Variants in DLG5 observed in about 807,000 individuals in gnomAD.
DLG5 encodes disks large homolog 5.
In DLG5, 48 loss-of-function variants were observed where a neutral mutation model predicts 189.8. That is an observed-to-expected ratio of 0.25 (90% CI 0.20 to 0.32). DLG5 has a LOEUF of 0.32. DLG5 is among the 10% of genes least tolerant of loss of function. The pLI, the probability that DLG5 is intolerant of heterozygous loss-of-function variation, is 1.00. For missense variants in DLG5, 2,160 were observed against 2,544.7 expected, an observed-to-expected ratio of 0.85 and a Z score of 3.25; for synonymous variants, 1,016 against 1,054.1, an observed-to-expected ratio of 0.96 and a Z score of 0.70.
intron 27 of DLG5, among the ~76,000 whole-genome samples, chr10:77,804,106 G>C (rs2154575054): frequency 6.6e-6 from 1 of 152,192 alleles, no homozygotes; most frequent in Non-Finnish European, 1.5e-5. Context: ...TGGCCAGGCT[G>C]GTCTTGAACT....
At position 77,830,288 on chromosome 10, in the gene DLG5, A is replaced by G. The variant is rs777377943; in HGVS notation, c.1938T>C (p.Pro646=). The change falls in exon 11 of 32, where the codon CCT becomes CCC. Residue 646 remains proline, a synonymous_variant. Transcript: ENST00000372391. ...ATATGCCACAGTCCCCCGGGAAACA[A>G]GGCTCATTCACACCTTCTGCCATAT... ...GFDMAEGVNE[P]CFPGDCGIFV... 6.2e-7 allele frequency: 1 copy of G among 1,614,188 alleles called. No individual in the cohort carries two copies. Among genetic ancestry groups the G allele is most frequent in the Non-Finnish European group, 8.5e-7 (1 of 1,180,028 alleles).
At chr10:77,847,785 C>T (rs1843766212) in intron 5 of DLG5, among the ~76,000 whole-genome samples, 2 of 152,136 alleles carry the variant, frequency 1.3e-5, no homozygotes, top group South Asian at 4.1e-4. Context: ...CAGTTCACTG[C>T]AACCTCAACC....
chr10:77,811,287 A>G, intron 22 of DLG5, 53 bp from the exon 23 acceptor site: 1 of 1,574,126 alleles, frequency 6.4e-7, no homozygotes, highest in South Asian at 1.2e-5. Context: ...ACCCAGAGCC[A>G]CCCCCACTCC....
At chr10:77,861,884 A>G (rs1844485624) in intron 2 of DLG5, among the ~76,000 whole-genome samples, 1 of 152,192 alleles carries the variant, frequency 6.6e-6, no homozygotes, top group African/African-American at 2.4e-5. Context: ...AAGTAAGGTC[A>G]ACCAGACCCA....
intron 27 of DLG5, among the ~76,000 whole-genome samples, chr10:77,802,752 T>C (rs1217518767): frequency 6.6e-6 from 1 of 151,992 alleles, no homozygotes; most frequent in Non-Finnish European, 1.5e-5. Context: ...ATACAAAAAT[T>C]AGCCAGATGT....
At chr10:77,844,456 C>T (rs1182171033) in intron 5 of DLG5, among the ~76,000 whole-genome samples, 5 of 152,156 alleles carry the variant, frequency 3.3e-5, no homozygotes, top group Non-Finnish European at 7.4e-5. Flanking sequence ...TTGAGTCCTC[C>T]CAGAAAGTGA....
the DLG5 span, among the ~76,000 whole-genome samples, chr10:77,934,520 G>A: frequency 0.058 from 8,780 of 152,254 alleles, 386 homozygotes; most frequent in Admixed American, 0.12. Flanking sequence ...AGTAGAAAGG[G>A]AAGTCAGAGA....
intron 7 of DLG5, among the ~76,000 whole-genome samples, chr10:77,839,692 T>C (rs1369755598): frequency 6.6e-6 from 1 of 152,236 alleles, no homozygotes; most frequent in Non-Finnish European, 1.5e-5. Context: ...AATTATGTGC[T>C]CAGATACCAG....
chr10:77,796,110 C>T lies in DLG5; in HGVS notation c.5387G>A (p.Gly1796Asp). The T allele has an allele frequency of 1.2e-6, 2 of 1,614,192 alleles. No homozygotes were observed. The highest frequency in any genetic ancestry group is 1.7e-6 in the Non-Finnish European group (2 of 1,180,036). Residue 1796 changes from glycine (G) to aspartate (D), a missense_variant, in exon 29 of 32, where the codon GGC becomes GAC. Coordinates refer to ENST00000372391, the MANE Select transcript of DLG5 (RefSeq NM_004747.4). The surrounding 1 kb of genome is among the most constrained non-coding windows in gnomAD (Gnocchi z 5.2). ...CGCCACAGTGGTCACATCGAAATGG[C>T]CGCTTCTCCGCTTATAGTCGACAAA... ...CLFVDYKRRS[G>D]HFDVTTVASI...
intron 1 of DLG5, among the ~76,000 whole-genome samples, chr10:77,892,692 T>C (rs1208148666): frequency 6.6e-6 from 1 of 152,178 alleles, no homozygotes; most frequent in Non-Finnish European, 1.5e-5. Flanking sequence ...GGTACCTTCA[T>C]CTCTGCTGCC....
At chr10:77,921,397 C>A (rs1427653246) in intron 1 of DLG5, among the ~76,000 whole-genome samples, 1 of 152,204 alleles carries the variant, frequency 6.6e-6, no homozygotes, top group Admixed American at 6.5e-5. Flanking sequence ...CAGCACCCAT[C>A]TGCATTAGTC....
intron 1 of DLG5, among the ~76,000 whole-genome samples, chr10:77,879,281 G>A (rs61855798): frequency 0.018 from 2,699 of 152,194 alleles, 41 homozygotes; most frequent in Admixed American, 0.039. Context: ...CACCCCATGC[G>A]GGGAGACCTG....
rs1840620229 is a variant in DLG5 at position 77,790,959 on chromosome 10, A to G, written c.*1481T>C. On this transcript the variant is annotated 3_prime_UTR_variant, in exon 32 of 32. Coordinates refer to ENST00000372391, the MANE Select transcript of DLG5 (RefSeq NM_004747.4). ...CTTAGAAAACAGCCCCTACCCCCAG[A>G]GGGTCTGCGAGTTAATACCTTGAGA... 6.6e-6 allele frequency: 1 copy of G among 152,282 alleles called. No homozygotes were observed. Among genetic ancestry groups the G allele is most frequent in the African/African-American group, 2.4e-5 (1 of 41,454 alleles). 9.4% of individuals were successfully genotyped at this position (152,282 alleles called of 1,614,324 possible). A position where few individuals can be genotyped will look rare whatever the true frequency, so the allele number is the denominator to read the frequency against.
Position 77,817,112 on chromosome 10 carries a change from G to C in DLG5, c.3785-16C>G, listed in dbSNP as rs764143250. 1 of 1,613,300 alleles carries C rather than the reference G, an allele frequency of 6.2e-7. No individual in the cohort carries two copies. Among genetic ancestry groups the C allele is most frequent in the East Asian group, 2.2e-5 (1 of 44,880 alleles). On this transcript the variant is annotated splice_polypyrimidine_tract_variant and intron_variant, in intron 18 of 31. Transcript: ENST00000372391. ...CTCGAAGAACCTATTGTTCCATAAGGGAACAAAACTTCAGGCCTCATGGTT... is the reference window on the plus strand; with the variant it reads ...CTCGAAGAACCTATTGTTCCATAAGCGAACAAAACTTCAGGCCTCATGGTT...
chr10:77,792,348 C>A lies in DLG5; in HGVS notation c.*92G>T. 7.8e-7 allele frequency: 1 copy of A among 1,274,176 alleles called. No individual in the cohort carries two copies. Among genetic ancestry groups the A allele is most frequent in the Non-Finnish European group, 1.1e-6 (1 of 876,212 alleles). The allele number at this position is 1,274,176 out of a possible 1,614,324, so 78.9% of individuals were successfully genotyped here. A position where few individuals can be genotyped will look rare whatever the true frequency, so the allele number is the denominator to read the frequency against. On this transcript the variant is annotated 3_prime_UTR_variant, in exon 32 of 32. Coordinates refer to ENST00000372391, the MANE Select transcript of DLG5 (RefSeq NM_004747.4). ...GATCCTTCCCCCGCATGTTCATAGA[C>A]GGACAGACTTCTACTTTCAGTCGCT...
intron 20 of DLG5, among the ~76,000 whole-genome samples, chr10:77,814,493 A>ATC (rs1841950717): frequency 7.6e-6 from 1 of 132,000 alleles, no homozygotes. Flanking sequence ...ATATATATAT[A>ATC]TATATATATA....
chr10:77,794,040 T>C lies in DLG5; in HGVS notation c.5624A>G (p.Lys1875Arg). ...GTACCTGCTGTACTCCTGCTCAAGC[T>C]TCTGCGCCGCCTCAAACTGCTCTTT... Reference protein sequence around the residue: ...HSKEQFEAAQKLEQEYSRYFT... With the variant: ...HSKEQFEAAQRLEQEYSRYFT... The change falls in exon 31 of 32, where the codon AAG (lysine) becomes AGG (arginine). Residue 1875 changes from lysine (K) to arginine (R), a missense_variant. Lys to Arg is a conservative substitution (Grantham distance 26). Transcript: ENST00000372391. 1 of 1,614,180 alleles carries C rather than the reference T, an allele frequency of 6.2e-7. No individual in the cohort carries two copies. Among genetic ancestry groups the C allele is most frequent in the East Asian group, 2.2e-5 (1 of 44,878 alleles).
chr10:77,840,385 T>TA (rs1197610137), intron 7 of DLG5, among the ~76,000 whole-genome samples: 3 of 150,280 alleles, frequency 2.0e-5, no homozygotes, highest in Non-Finnish European at 4.4e-5. Flanking sequence ...AATAAAAAAA[T>TA]AAAAAATAAA....
chr10:77,909,442 C>A (rs111956218), intron 1 of DLG5, among the ~76,000 whole-genome samples: 6 of 151,824 alleles, frequency 4.0e-5, no homozygotes, highest in African/African-American at 1.5e-4. Flanking sequence ...CACCATGGCA[C>A]GTGTATACCT....
Sources: gnomAD v4.1 joint callset for allele counts (sites outside exome capture counted in the v4.1 genomes callset) on GRCh38, gnomAD v4.1.1 for gene constraint, Gnocchi (gnomAD v3.1) non-coding constraint, MANE v1.5 for transcripts, NCBI Gene and HGNC (gene_info 2026-07-23, HGNC 2026-07-21) for gene names.